Variants in RIMS2 observed in about 807,000 individuals in gnomAD.
The protein encoded by RIMS2 is regulating synaptic membrane exocytosis 2, also known as regulating synaptic membrane exocytosis protein 2.
In RIMS2, 59 loss-of-function variants were observed where a neutral mutation model predicts 174.4. The observed-to-expected ratio is 0.34, with a 90% CI of 0.27 to 0.42. The LOEUF is 0.42. Ranked by LOEUF, RIMS2 falls within the 10% of genes least tolerant of loss-of-function variation. The pLI is 1.00. For missense variants in RIMS2, 1,620 were observed against 1,666.3 expected (o/e 0.97, Z 0.48); for synonymous variants, 606 against 572.5 (o/e 1.06, Z -0.84).
chr8:103,857,639 ATTT>A (rs2099035260), intron 3 of RIMS2, among the ~76,000 whole-genome samples: 1 of 152,124 alleles, frequency 6.6e-6, no homozygotes. Context: ...AATATTTAAT[ATTT>A]TTAAGTTTAT....
chr8:104,075,837 A>G (rs2097278903), intron 19 of RIMS2, among the ~76,000 whole-genome samples: 1 of 152,094 alleles, frequency 6.6e-6, no homozygotes, highest in African/African-American at 2.4e-5. Context: ...GTACTCAATG[A>G]TACTGCCGCC....
chr8:103,612,933 C>A (rs1184855397), intron 1 of RIMS2, among the ~76,000 whole-genome samples: 1 of 152,192 alleles, frequency 6.6e-6, no homozygotes, highest in South Asian at 2.1e-4. Flanking sequence ...TGCTGAGCCA[C>A]CTGGAACTGG....
intron 19 of RIMS2, among the ~76,000 whole-genome samples, chr8:104,044,883 G>C (rs2096667032): frequency 1.3e-5 from 2 of 151,640 alleles, no homozygotes; most frequent in African/African-American, 4.8e-5. Flanking sequence ...CAAAGTAAGA[G>C]TAAAGAGAGA....
At chr8:103,772,110 A>C (rs2098260198) in intron 3 of RIMS2, among the ~76,000 whole-genome samples, 1 of 152,026 alleles carries the variant, frequency 6.6e-6, no homozygotes, top group Non-Finnish European at 1.5e-5. Context: ...AATATTCAAA[A>C]TATGTGCTTA....
chr8:103,949,880 G>A (rs965318113), intron 14 of RIMS2, among the ~76,000 whole-genome samples: 2 of 152,036 alleles, frequency 1.3e-5, no homozygotes, highest in Non-Finnish European at 2.9e-5. Context: ...TAATTGATAA[G>A]CCTTTAGGCA....
At chr8:103,930,772 C>A (rs866483205) in intron 11 of RIMS2, among the ~76,000 whole-genome samples, 3 of 152,156 alleles carry the variant, frequency 2.0e-5, no homozygotes, top group Admixed American at 6.5e-5. Flanking sequence ...TAGTAAATCC[C>A]TTTTGCCTAT....
intron 19 of RIMS2, among the ~76,000 whole-genome samples, chr8:104,155,170 G>A (rs1373813977): frequency 1.3e-5 from 2 of 151,860 alleles, no homozygotes; most frequent in African/African-American, 4.8e-5. Context: ...GCAGTAGTGC[G>A]ATCTCACCTC....
chr8:104,223,873 G>T, intron 19 of RIMS2: 1 of 1,182,464 alleles, frequency 8.5e-7, no homozygotes, highest in Non-Finnish European at 1.2e-6. Flanking sequence ...GGGGCAGAGA[G>T]AACTCCACGT....
intron 1 of RIMS2, among the ~76,000 whole-genome samples, chr8:103,619,658 A>ACTT (rs1189453414): frequency 4.6e-5 from 7 of 152,122 alleles, no homozygotes; most frequent in Non-Finnish European, 1.0e-4. Context: ...ATAGAGAAAG[A>ACTT]CTTCTACTCT....
chr8:104,095,390 A>G (rs572066210), intron 19 of RIMS2, among the ~76,000 whole-genome samples: 85 of 152,146 alleles, frequency 5.6e-4, no homozygotes, highest in Non-Finnish European at 1.0e-3. Context: ...TTAGAAGGCA[A>G]GTGTTGGTTA....
At chr8:104,004,432 T>C (rs2095499071) in intron 17 of RIMS2, among the ~76,000 whole-genome samples, 1 of 151,984 alleles carries the variant, frequency 6.6e-6, no homozygotes, top group African/African-American at 2.4e-5. Context: ...GTAAAAATAA[T>C]GAATGAAAAA....
intron 4 of RIMS2, among the ~76,000 whole-genome samples, chr8:103,887,752 CATTA>C (rs1279465113): frequency 6.6e-6 from 1 of 151,300 alleles, no homozygotes; most frequent in Non-Finnish European, 1.5e-5. Context: ...AGTTAGAACA[CATTA>C]ATTGTTTCCA....
chr8:104,151,783 G>A (rs12549681), intron 19 of RIMS2, among the ~76,000 whole-genome samples: 43,460 of 151,984 alleles, frequency 0.29, 6,379 homozygotes, highest in Non-Finnish European at 0.32. Flanking sequence ...ACTCATGAAC[G>A]TGGCTGAAAT....
At chr8:103,837,776 G>C (rs1250420074) in intron 3 of RIMS2, among the ~76,000 whole-genome samples, 1 of 152,032 alleles carries the variant, frequency 6.6e-6, no homozygotes, top group Non-Finnish European at 1.5e-5. Flanking sequence ...GGACATTTGG[G>C]TTGGTTCCAA....
chr8:104,033,426 T>C (rs565963489), intron 19 of RIMS2, among the ~76,000 whole-genome samples: 1 of 152,202 alleles, frequency 6.6e-6, no homozygotes, highest in East Asian at 1.9e-4. Flanking sequence ...TCATGTCCAA[T>C]ACATGAATAT....
intron 3 of RIMS2, among the ~76,000 whole-genome samples, chr8:103,770,971 G>A (rs2098246518): frequency 6.6e-6 from 1 of 152,084 alleles, no homozygotes; most frequent in Non-Finnish European, 1.5e-5. Flanking sequence ...AATCTCTATG[G>A]ACTTATAACT....
At chr8:103,750,988 A>G (rs186220202) in intron 2 of RIMS2, among the ~76,000 whole-genome samples, 36 of 152,268 alleles carry the variant, frequency 2.4e-4, no homozygotes, top group Non-Finnish European at 4.4e-4. Context: ...CTGATAGAGA[A>G]TAAGTCTCAA....
chr8:104,062,707 C>T (rs936041440), intron 19 of RIMS2, among the ~76,000 whole-genome samples: 1 of 152,112 alleles, frequency 6.6e-6, no homozygotes, highest in African/African-American at 2.4e-5. Flanking sequence ...TTGATACATA[C>T]TTAAATGGTG....
At chr8:104,048,641 T>C (rs1555175536) in intron 19 of RIMS2, among the ~76,000 whole-genome samples, 1 of 152,162 alleles carries the variant, frequency 6.6e-6, no homozygotes, top group Non-Finnish European at 1.5e-5. Flanking sequence ...ACAATGAATA[T>C]TAAATAATGG....
Sources: gnomAD v4.1 joint callset for allele counts (sites outside exome capture counted in the v4.1 genomes callset) on GRCh38, gnomAD v4.1.1 for gene constraint, MANE v1.5 for transcripts, NCBI Gene and HGNC (gene_info 2026-07-23, HGNC 2026-07-21) for gene names.